COL19A1: variants seen among roughly 807,000 people sequenced by gnomAD.
COL19A1 encodes the protein collagen type XIX alpha 1 chain.
In COL19A1, 159 loss-of-function variants were observed where a neutral mutation model predicts 190.2. The ratio of observed to expected loss-of-function variants is 0.84; its 90% CI spans 0.73 to 0.95. COL19A1 has a LOEUF of 0.95. Among genes scored for constraint, COL19A1 ranks in the 40% least tolerant of loss-of-function variants. The pLI, the probability that COL19A1 is intolerant of heterozygous loss-of-function variation, is 0.00. For synonymous variants in COL19A1, 509 were observed against 458.9 expected (o/e 1.11, Z -1.39); for missense variants, 1,418 against 1,431.9 (o/e 0.99, Z 0.16).
At position 70,151,424 on chromosome 6, in the gene COL19A1, G is replaced by A. The variant is rs780077270; in HGVS notation, c.2065G>A (p.Gly689Ser). The part of the protein sequence containing the change: ...PIALPLLGDI[G>S]ALLKNFCGNC... ...TGCACTTCCTCTCTTGGGAGACATC[G>A]GTGCTTTGCTCAAGGTACTCTATTG... The change falls in exon 31 of 51, where the codon GGT becomes AGT. Residue 689 changes from glycine to serine, a missense_variant. Physicochemically the swap from Gly to Ser is moderately conservative, Grantham distance 56. Transcript: ENST00000620364. 3.7e-5 allele frequency: 60 copies of A among 1,612,536 alleles called. No homozygotes were observed. The highest frequency in any genetic ancestry group is 1.7e-4 in the Middle Eastern group (1 of 6,060).
At position 69,908,762 on chromosome 6, in the gene COL19A1, A is replaced by T. The variant is rs182181658; in HGVS notation, c.266+8424A>T. ...TCTTTCAGATTTCATATAACTCAGTATTGGGAAAAGTAGAACATATCAGTA... is the reference window on the plus strand; with the variant it reads ...TCTTTCAGATTTCATATAACTCAGTTTTGGGAAAAGTAGAACATATCAGTA... On this transcript the variant is annotated intron_variant, in intron 4 of 50. Coordinates refer to ENST00000620364, the MANE Select transcript of COL19A1 (RefSeq NM_001858.6). Among the ~76,000 whole-genome samples, 44 of 152,286 alleles carry T rather than the reference A, an allele frequency of 2.9e-4. 1 individual carries two copies. In the East Asian group the frequency reaches 8.3e-3, roughly 29 times the overall value.
intron 16 of COL19A1, among the ~76,000 whole-genome samples, chr6:70,109,541 A>AGTGTGTGTGTGTGT (rs60219800): frequency 6.9e-6 from 1 of 143,892 alleles, no homozygotes; most frequent in Non-Finnish European, 1.5e-5. Flanking sequence ...CCGTTTTGTA[A>AGTGTGTGTGTGTGT]GTGTGTGTGT....
chr6:70,103,013 C>T (rs1022046930), intron 16 of COL19A1, among the ~76,000 whole-genome samples: 4 of 152,162 alleles, frequency 2.6e-5, no homozygotes, highest in African/African-American at 9.7e-5. Context: ...AACAGCTTTT[C>T]TTCTACCCCC....
In COL19A1 at chr6:70,112,596, A is replaced by G. The variant is rs147170492; in HGVS notation, c.1279-9284A>G. 3.6e-3 allele frequency among the ~76,000 whole-genome samples: 542 copies of G among 152,278 alleles called. 1 individual carries two copies. Among genetic ancestry groups the G allele is most frequent in the African/African-American group, 0.012 (514 of 41,558 alleles). On this transcript the variant is annotated intron_variant, in intron 16 of 50. Transcript: ENST00000620364. Reference sequence around the variant, plus strand: ...CACCAATTAGGTTGATATCTGGGGAAATAAGTACCTTTAAATATATTTTTT... The same window carrying G: ...CACCAATTAGGTTGATATCTGGGGAGATAAGTACCTTTAAATATATTTTTT...
Position 69,985,827 on chromosome 6 carries a change from A to G in COL19A1, c.1026+22957A>G, listed in dbSNP as rs1776280809. 6.6e-5 allele frequency among the ~76,000 whole-genome samples: 10 copies of G among 152,184 alleles called. No homozygotes were observed. In the South Asian group the frequency reaches 2.1e-3, roughly 31 times the overall value. ...TAGTCTAGTAGTGTGTGTAATATAT[A>G]TCAGGGGACATCTTAAAAGGCATAT... On this transcript the variant is annotated intron_variant, in intron 11 of 50. Coordinates refer to ENST00000620364, the MANE Select transcript of COL19A1 (RefSeq NM_001858.6).
intron 14 of COL19A1, among the ~76,000 whole-genome samples, chr6:70,040,893 T>C (rs960640469): frequency 6.6e-6 from 1 of 152,200 alleles, no homozygotes; most frequent in Admixed American, 6.5e-5. Flanking sequence ...CTTTCCAGAT[T>C]ATTCTAACAA....
chr6:70,040,927 C>T (rs1260947733), intron 14 of COL19A1, among the ~76,000 whole-genome samples: 1 of 152,068 alleles, frequency 6.6e-6, no homozygotes, highest in East Asian at 1.9e-4. Flanking sequence ...AATTCAAGAA[C>T]AAATTTGTGA....
Position 69,899,030 on chromosome 6 carries a change from A to G in COL19A1, c.166+8A>G, listed in dbSNP as rs373846636. 2.7e-5 allele frequency: 42 copies of G among 1,575,782 alleles called. No homozygotes were observed. Among genetic ancestry groups the G allele is most frequent in the Non-Finnish European group, 3.5e-5 (40 of 1,146,320 alleles). On this transcript the variant is annotated splice_region_variant and intron_variant, in intron 3 of 50. Coordinates refer to ENST00000620364, the MANE Select transcript of COL19A1 (RefSeq NM_001858.6). Reference sequence around the variant, plus strand: ...ACAAACTTGAAGTTTCAGGTAGGCAATATAATCCTTTGCAAAGTAATATTT... The same window carrying G: ...ACAAACTTGAAGTTTCAGGTAGGCAGTATAATCCTTTGCAAAGTAATATTT...
rs1215165426 is a variant in COL19A1, at chr6:69,936,827, G to A, written c.790G>A (p.Val264Ile). Residue 264 changes from valine to isoleucine, a missense_variant, in exon 8 of 51, where the codon GTA becomes ATA. Transcript: ENST00000620364. Reference protein sequence around the residue: ...DGFGNIASSWVTAHASKMSSY... With the variant: ...DGFGNIASSWITAHASKMSSY... ...CTTTGGAAATATTGCATCATCATGG[G>A]TAACTGCTCATGCCAGTAAAATGTC... 1 of 1,613,106 alleles carries A rather than the reference G, an allele frequency of 6.2e-7. No individual in the cohort carries two copies. The highest frequency in any genetic ancestry group is 8.5e-7 in the Non-Finnish European group (1 of 1,179,276).
intron 14 of COL19A1, among the ~76,000 whole-genome samples, chr6:70,039,145 C>A (rs1431724183): frequency 6.6e-6 from 1 of 152,132 alleles, no homozygotes; most frequent in Non-Finnish European, 1.5e-5. Context: ...CCAGACTGTA[C>A]CACATACCAA....
chr6:69,903,717 T>A (rs1473375729), intron 4 of COL19A1, among the ~76,000 whole-genome samples: 1 of 152,222 alleles, frequency 6.6e-6, no homozygotes, highest in Admixed American at 6.5e-5. Flanking sequence ...CTCCGTGCAC[T>A]GCCATAGGCC....
At chr6:70,074,682 G>A (rs1781771659) in intron 15 of COL19A1, among the ~76,000 whole-genome samples, 1 of 152,064 alleles carries the variant, frequency 6.6e-6, no homozygotes, top group Admixed American at 6.6e-5. Flanking sequence ...TTGAATTTTA[G>A]AGAGGAGTCT....
At chr6:69,953,506 T>C (rs1465504576) in intron 9 of COL19A1, among the ~76,000 whole-genome samples, 1 of 152,024 alleles carries the variant, frequency 6.6e-6, no homozygotes, top group East Asian at 1.9e-4. Context: ...CATATATTGA[T>C]ACAATATAGC....
chr6:69,919,644 A>G (rs1771564148), intron 4 of COL19A1, among the ~76,000 whole-genome samples: 1 of 152,196 alleles, frequency 6.6e-6, no homozygotes, highest in South Asian at 2.1e-4. Flanking sequence ...AATATAATTC[A>G]TTCTTAAAGT....
intron 41 of COL19A1, among the ~76,000 whole-genome samples, chr6:70,175,741 TC>T (rs1164070279): frequency 6.6e-6 from 1 of 152,178 alleles, no homozygotes; most frequent in Non-Finnish European, 1.5e-5. Flanking sequence ...TATCATTTGA[TC>T]ACACTGCAAT....
intron 15 of COL19A1, among the ~76,000 whole-genome samples, chr6:70,099,451 G>A (rs1246457977): frequency 6.6e-6 from 1 of 152,082 alleles, no homozygotes; most frequent in Non-Finnish European, 1.5e-5. Context: ...TTCAGACTAT[G>A]TGGATAAGGT....
chr6:70,139,354 T>G (rs777066458), intron 19 of COL19A1, among the ~76,000 whole-genome samples: 3 of 152,034 alleles, frequency 2.0e-5, no homozygotes, highest in Non-Finnish European at 4.4e-5. Flanking sequence ...CTGGCTTTCT[T>G]TCTGGCTAAC....
chr6:69,880,819 A>G (rs966495587), intron 2 of COL19A1, among the ~76,000 whole-genome samples: 1 of 152,208 alleles, frequency 6.6e-6, no homozygotes, highest in Non-Finnish European at 1.5e-5. Flanking sequence ...AAAAAAGGAA[A>G]AGAGATGTTA....
chr6:70,207,362 T>TG lies in COL19A1; in HGVS notation c.*89dup, dbSNP rs1767954061. The TG allele has an allele frequency of 4.7e-5, 36 of 767,926 alleles. No homozygotes were observed. Among genetic ancestry groups the TG allele is most frequent in the Non-Finnish European group, 5.1e-5 (30 of 586,320 alleles). The allele number at this position is 767,926 out of a possible 1,614,324, so 47.6% of individuals were successfully genotyped here. On this transcript the variant is annotated 3_prime_UTR_variant, in exon 51 of 51. Coordinates refer to ENST00000620364, the MANE Select transcript of COL19A1 (RefSeq NM_001858.6). ...CGTCAAACCCTCATCATCTGTGGGT[T>TG]GCTTTTTTTTTTTTTTTTTTTTTTT...
Sources: gnomAD v4.1 joint callset for allele counts (sites outside exome capture counted in the v4.1 genomes callset) on GRCh38, gnomAD v4.1.1 for gene constraint, MANE v1.5 for transcripts, NCBI Gene and HGNC (gene_info 2026-07-23, HGNC 2026-07-21) for gene names.